Variants in RYR2 observed in about 807,000 individuals in gnomAD.
RYR2 encodes ryanodine receptor 2, also known as cardiac muscle ryanodine receptor-calcium release channel.
RYR2 carries 227 observed loss-of-function variants against 601.1 expected under a neutral mutation model. That is an observed-to-expected ratio of 0.38 (90% CI 0.34 to 0.42). The LOEUF (loss-of-function observed/expected upper bound fraction) is 0.42. Among genes scored for constraint, RYR2 ranks in the 10% least tolerant of loss-of-function variants. The pLI is 1.00. For missense variants in RYR2, 4,646 were observed against 6,156.5 expected (o/e 0.75, Z 8.21); for synonymous variants, 2,223 against 2,175.1 (o/e 1.02, Z -0.61).
At chr1:237,492,064 G>A (rs1663411058) in intron 18 of RYR2, 140 bp downstream of exon 18, 1 of 552,840 alleles carries the variant, frequency 1.8e-6, no homozygotes, top group Non-Finnish European at 3.3e-6. Context: ...ATGCAGTCGA[G>A]CTCTGTCGCC....
intron 1 of RYR2, among the ~76,000 whole-genome samples, chr1:237,102,486 C>T (rs1026276024): frequency 1.3e-5 from 2 of 152,142 alleles, no homozygotes; most frequent in African/African-American, 4.8e-5. Flanking sequence ...ACAGTGGGAG[C>T]CCGGGAATCA....
Position 237,469,130 on chromosome 1 carries a change from T to G in RYR2, c.1651T>G (p.Phe551Val). ...AGGAAATCGTAAAAACTGTGCTCAA[T>G]TTTCTGGCTCCCTCGACTGGTTGAT... ...IRGNRKNCAQ[F>V]SGSLDWLISR... The change falls in exon 17 of 105, where the codon TTT (phenylalanine) becomes GTT (valine). Residue 551 changes from phenylalanine to valine, a missense_variant. Physicochemically the swap from Phe to Val is conservative, Grantham distance 50. Around this residue, in one of 17 missense-constraint regions of RYR2, gnomAD observed 1,807 missense variants for 2,088.1 expected, o/e 0.87. Transcript: ENST00000366574. The G allele has an allele frequency of 6.2e-7, 1 of 1,613,420 alleles. No homozygotes were observed. Among genetic ancestry groups the G allele is most frequent in the Non-Finnish European group, 8.5e-7 (1 of 1,179,530 alleles).
intron 1 of RYR2, among the ~76,000 whole-genome samples, chr1:237,066,764 C>T (rs574271511): frequency 6.6e-6 from 1 of 152,054 alleles, no homozygotes; most frequent in Non-Finnish European, 1.5e-5. Context: ...GCCTCAGCCT[C>T]CTGAATAGCT....
chr1:237,539,415 C>T (rs1233606650), intron 25 of RYR2, among the ~76,000 whole-genome samples: 1 of 152,166 alleles, frequency 6.6e-6, no homozygotes, highest in Non-Finnish European at 1.5e-5. Context: ...TTTCATAGCC[C>T]ACAATATTTC....
At position 237,666,578 on chromosome 1, in the gene RYR2, A is replaced by G. The variant is rs2148872889; in HGVS notation, c.8503A>G (p.Arg2835Gly). The G allele has an allele frequency of 1.2e-6, 2 of 1,612,042 alleles. No individual in the cohort carries two copies. The highest frequency in any genetic ancestry group is 1.7e-6 in the Non-Finnish European group (2 of 1,178,856). Residue 2835 changes from arginine (R) to glycine (G), a missense_variant, in exon 57 of 105, where the codon AGA becomes GGA. Physicochemically the swap from Arg to Gly is moderately radical, Grantham distance 125. Transcript: ENST00000366574. The stretch of plus-strand genomic sequence containing the variant: ...TGACATGAGCAATGTTACACTATCT[A>G]GAGACCTGCATGTAAGTACTATTAA... ...AIDMSNVTLSRDLHAMAEMMA... is the reference protein window; with the variant it reads ...AIDMSNVTLSGDLHAMAEMMA...
intron 29 of RYR2, among the ~76,000 whole-genome samples, chr1:237,587,633 G>GA (rs1238917299): frequency 6.6e-6 from 1 of 151,990 alleles, no homozygotes; most frequent in Non-Finnish European, 1.5e-5. Flanking sequence ...TTCGTCTCAC[G>GA]AAAAAAAGTA....
At chr1:237,539,408 C>T (rs1049818739) in intron 25 of RYR2, among the ~76,000 whole-genome samples, 14 of 152,196 alleles carry the variant, frequency 9.2e-5, no homozygotes, top group Non-Finnish European at 1.8e-4. Context: ...ATAACCTTTT[C>T]ATAGCCCACA....
At chr1:237,203,340 G>C (rs1047247856) in intron 1 of RYR2, among the ~76,000 whole-genome samples, 3 of 152,130 alleles carry the variant, frequency 2.0e-5, no homozygotes, top group East Asian at 1.9e-4. Flanking sequence ...TTGCTGTTTA[G>C]TGTATATTAT....
intron 84 of RYR2, among the ~76,000 whole-genome samples, chr1:237,761,239 C>G (rs1693410974): frequency 6.6e-6 from 1 of 152,170 alleles, no homozygotes; most frequent in Non-Finnish European, 1.5e-5. Flanking sequence ...GTGCCAGCCC[C>G]ATTGCCAGCT....
At chr1:237,308,503 T>A (rs543268557) in intron 2 of RYR2, among the ~76,000 whole-genome samples, 16 of 152,330 alleles carry the variant, frequency 1.1e-4, no homozygotes, top group African/African-American at 3.8e-4. Context: ...ATTGGTGGGT[T>A]CTTGGTCTCA....
intron 1 of RYR2, among the ~76,000 whole-genome samples, chr1:237,261,759 C>T (rs1688551046): frequency 6.6e-6 from 1 of 152,098 alleles, no homozygotes; most frequent in African/African-American, 2.4e-5. Context: ...TTTCTCATTC[C>T]TCCTTAAAGT....
intron 15 of RYR2, among the ~76,000 whole-genome samples, chr1:237,455,313 T>C (rs974499487): frequency 1.3e-5 from 2 of 152,056 alleles, no homozygotes; most frequent in South Asian, 4.1e-4. Flanking sequence ...AGAATAATGA[T>C]TTTTTTCTGA....
At position 237,329,759 on chromosome 1, in the gene RYR2, C is replaced by A. The variant is rs190327274; in HGVS notation, c.169-1119C>A. On this transcript the variant is annotated intron_variant, in intron 2 of 104. Transcript: ENST00000366574. ...TCTGGGCTTCTAGTGCACCCATCAC[C>A]TGAATCGTGAACAGCCAGTCAATTC... Among the ~76,000 whole-genome samples the A allele has an allele frequency of 5.6e-3, 854 of 152,248 alleles. 18 individuals carry two copies. Among genetic ancestry groups the A allele is most frequent in the African/African-American group, 0.02 (817 of 41,532 alleles).
intron 1 of RYR2, among the ~76,000 whole-genome samples, chr1:237,157,751 G>T (rs1394446964): frequency 6.6e-6 from 1 of 152,192 alleles, no homozygotes; most frequent in Admixed American, 6.5e-5. Context: ...GGAAGGGACG[G>T]TGGGAGGAGC....
At chr1:237,047,808 A>G (rs1056566959) in intron 1 of RYR2, among the ~76,000 whole-genome samples, 5 of 152,124 alleles carry the variant, frequency 3.3e-5, no homozygotes, top group African/African-American at 9.7e-5. Flanking sequence ...GTGTGTGGTT[A>G]TCCCAAAAGA....
chr1:237,658,659 C>CA (rs1439668507), intron 54 of RYR2, among the ~76,000 whole-genome samples: 2 of 152,310 alleles, frequency 1.3e-5, no homozygotes, highest in African/African-American at 4.8e-5. Context: ...CTCAGCCTCC[C>CA]AAACTGCTGA....
At chr1:237,251,054 GTGTGTGTGTA>G (rs1223935793) in intron 1 of RYR2, among the ~76,000 whole-genome samples, 14 of 139,636 alleles carry the variant, frequency 1.0e-4, no homozygotes, top group Middle Eastern at 3.8e-3. Context: ...GTGTGTGTGT[GTGTGTGTGTA>G]TGCATATAGA....
At chr1:237,416,199 G>A (rs559132213) in intron 10 of RYR2, among the ~76,000 whole-genome samples, 130 of 152,230 alleles carry the variant, frequency 8.5e-4, no homozygotes, top group Non-Finnish European at 1.6e-3. Flanking sequence ...AGCAAGATTG[G>A]AGCCCACTGG....
chr1:237,401,294 C>T lies in RYR2; in HGVS notation c.773+13111C>T, dbSNP rs79977938. On this transcript the variant is annotated intron_variant, in intron 10 of 104. Coordinates refer to ENST00000366574, the MANE Select transcript of RYR2 (RefSeq NM_001035.3). ...TCTGACACTAACCACCTGGAGTTAG[C>T]ACAGACTGCACAAGTTATGGGCTCA... is the stretch of plus-strand genomic sequence containing the variant. Among the ~76,000 whole-genome samples the T allele has an allele frequency of 1.7e-3, 256 of 152,334 alleles. 1 individual carries two copies. The highest frequency in any genetic ancestry group is 5.9e-3 in the African/African-American group (245 of 41,570).
Sources: gnomAD v4.1 joint callset for allele counts (sites outside exome capture counted in the v4.1 genomes callset) on GRCh38, gnomAD v4.1.1 for gene constraint, gnomAD v4.1.1 regional missense constraint, MANE v1.5 for transcripts, NCBI Gene and HGNC (gene_info 2026-07-23, HGNC 2026-07-21) for gene names.